Variants in HSPA14 observed in about 807,000 individuals in gnomAD.
HSPA14 encodes the protein heat shock 70 kDa protein 14.
Under a neutral mutation model 65.5 loss-of-function variants are expected in HSPA14, and 37 were observed. The observed-to-expected ratio is 0.56, with a 90% CI of 0.43 to 0.74. HSPA14 has a LOEUF of 0.74. Among genes scored for constraint, HSPA14 ranks in the 30% least tolerant of loss-of-function variants. The probability of loss-of-function intolerance (pLI) is 0.00; values close to 1 mark genes in which losing one functional copy is unlikely to be tolerated. For synonymous variants in HSPA14, 203 were observed against 214.2 expected, an observed-to-expected ratio of 0.95 and a Z score of 0.46; for missense variants, 564 against 607.6, an observed-to-expected ratio of 0.93 and a Z score of 0.75.
chr10:14,863,683 C>A (rs1469072315), intron 10 of HSPA14, among the ~76,000 whole-genome samples: 2 of 152,128 alleles, frequency 1.3e-5, no homozygotes, highest in Non-Finnish European at 2.9e-5. Flanking sequence ...CTGCTTCTCC[C>A]CACCCTCCTC....
intron 10 of HSPA14, among the ~76,000 whole-genome samples, chr10:14,856,581 G>A (rs1271540804): frequency 6.6e-6 from 1 of 152,000 alleles, no homozygotes; most frequent in African/African-American, 2.4e-5. Flanking sequence ...TTTAAAATGA[G>A]CCAGGTGCGA....
intron 6 of HSPA14, 127 bp downstream of exon 6, chr10:14,849,938 G>A: frequency 3.2e-6 from 2 of 620,896 alleles, no homozygotes; most frequent in Non-Finnish European, 5.5e-6. Flanking sequence ...AATTTAGTAA[G>A]GTAATGATCA....
chr10:14,845,965 A>G, intron 3 of HSPA14: 1 of 908,974 alleles, frequency 1.1e-6, no homozygotes, highest in Non-Finnish European at 1.3e-6. Flanking sequence ...AGCATAATAA[A>G]AGACAAAATG....
intron 3 of HSPA14, chr10:14,846,676 T>G: frequency 3.2e-6 from 3 of 929,168 alleles, no homozygotes; most frequent in Non-Finnish European, 3.9e-6. Context: ...CACAGGGGTG[T>G]TGTGAGGATC....
intron 3 of HSPA14, among the ~76,000 whole-genome samples, chr10:14,841,445 T>TGTC (rs1833969622): frequency 6.6e-6 from 1 of 152,158 alleles, no homozygotes; most frequent in South Asian, 2.1e-4. Flanking sequence ...GTGTAAGAAA[T>TGTC]AATACAGAGA....
chr10:14,838,557 AG>A (rs1833922381), intron 1 of HSPA14, 98 bp downstream of exon 1: 5 of 1,239,456 alleles, frequency 4.0e-6, no homozygotes, highest in East Asian at 5.2e-5. Flanking sequence ...TCGCCGGCCT[AG>A]GGATGTCGTG....
chr10:14,851,320 A>G lies in HSPA14; in HGVS notation c.569A>G (p.Lys190Arg). 1 of 1,571,822 alleles carries G rather than the reference A, an allele frequency of 6.4e-7. No individual in the cohort carries two copies. The highest frequency in any genetic ancestry group is 2.2e-5 in the East Asian group (1 of 44,680). Reference sequence around the variant, plus strand: ...ATTGGACAAGACTCCCCTACTGGAAAAAGGTAAAGATCATATTTGCAGTTT... The same window carrying G: ...ATTGGACAAGACTCCCCTACTGGAAGAAGGTAAAGATCATATTTGCAGTTT... ...YGIGQDSPTG[K>R]SNILVFKLGG... The change falls in exon 7 of 14, where the codon AAA becomes AGA. Residue 190 changes from lysine (K) to arginine (R), a missense_variant. Lys to Arg is a conservative substitution (Grantham distance 26, BLOSUM62 2). Transcript: ENST00000378372.
At chr10:14,855,809 G>T (rs1364703360) in intron 9 of HSPA14, 32 bp from the exon 10 acceptor site, 1 of 1,068,736 alleles carries the variant, frequency 9.4e-7, no homozygotes, top group Non-Finnish European at 1.4e-6. Flanking sequence ...CCCTGTGTCT[G>T]TGTGTTTCTG....
chr10:14,866,383 G>C (rs921938847), intron 10 of HSPA14, among the ~76,000 whole-genome samples: 1 of 152,128 alleles, frequency 6.6e-6, no homozygotes, highest in African/African-American at 2.4e-5. Flanking sequence ...GAGATCATCC[G>C]TAAAGACTGT....
intron 10 of HSPA14, among the ~76,000 whole-genome samples, chr10:14,865,396 C>G (rs886916833): frequency 2.6e-5 from 4 of 151,282 alleles, no homozygotes; most frequent in African/African-American, 7.3e-5. Context: ...AAGTCCTTGC[C>G]CATGCCTATG....
intron 10 of HSPA14, among the ~76,000 whole-genome samples, chr10:14,858,654 G>A (rs1045967723): frequency 1.3e-5 from 2 of 152,224 alleles, no homozygotes; most frequent in Admixed American, 1.3e-4. Flanking sequence ...GTATGACAGA[G>A]GGGCAGAGAG....
Position 14,842,083 on chromosome 10 carries a change from A to G in HSPA14, c.221+1926A>G. On this transcript the variant is annotated intron_variant, in intron 3 of 13. Transcript: ENST00000378372. This position sits in a 1 kb window ranked among gnomAD's most constrained non-coding sequence, Gnocchi z 5.2. ...GGTAGCACCACTTAACTTGCTGCCA[A>G]AATTATCCTTACACCCTTCCTGTAA... The G allele has an allele frequency of 7.1e-7, 1 of 1,416,494 alleles. No homozygotes were observed. The highest frequency in any genetic ancestry group is 9.6e-7 in the Non-Finnish European group (1 of 1,041,844). The allele number at this position is 1,416,494 out of a possible 1,614,324, so 87.7% of individuals were successfully genotyped here. A position where few individuals can be genotyped will look rare whatever the true frequency, so the allele number is the denominator to read the frequency against.
At chr10:14,846,093 C>T (rs997379159) in intron 3 of HSPA14, 34 of 982,842 alleles carry the variant, frequency 3.5e-5, no homozygotes, top group Admixed American at 6.2e-5. Flanking sequence ...TGCTCATGAA[C>T]TTCTAAGTGC....
intron 3 of HSPA14, chr10:14,844,069 T>C (rs936154968): frequency 1.2e-5 from 17 of 1,428,594 alleles, no homozygotes; most frequent in Non-Finnish European, 1.4e-5. Context: ...CTCCACCAAA[T>C]GGAAGACCTT....
intron 11 of HSPA14, 132 bp from the exon 12 acceptor site, chr10:14,867,604 A>G (rs552974854): frequency 1.0e-5 from 8 of 764,202 alleles, no homozygotes; most frequent in South Asian, 9.8e-5. Flanking sequence ...ATTAAGGATT[A>G]TTTCTATTTT....
chr10:14,852,623 C>A, intron 8 of HSPA14, 92 bp downstream of exon 8: 2 of 1,036,672 alleles, frequency 1.9e-6, no homozygotes, highest in Non-Finnish European at 2.8e-6. Context: ...AGTTATCCTG[C>A]TGCAAAGGAG....
intron 3 of HSPA14, chr10:14,846,108 C>T (rs1406723969): frequency 1.0e-6 from 1 of 982,988 alleles, no homozygotes; most frequent in Non-Finnish European, 1.2e-6. Context: ...AAGTGCCACA[C>T]CAGACATATA....
At chr10:14,844,343 G>A in intron 3 of HSPA14, 1 of 1,031,624 alleles carries the variant, frequency 9.7e-7, no homozygotes, top group Non-Finnish European at 1.2e-6. Context: ...CCTTGGCTGA[G>A]GTAAGGCAGA....
At chr10:14,844,846 C>T (rs1834028450) in intron 3 of HSPA14, 11 of 985,400 alleles carry the variant, frequency 1.1e-5, no homozygotes, top group Non-Finnish European at 1.3e-5. Context: ...AGTTTCCCAT[C>T]CGCTTTTTAG....
Sources: gnomAD v4.1 joint callset for allele counts (sites outside exome capture counted in the v4.1 genomes callset) on GRCh38, gnomAD v4.1.1 for gene constraint, Gnocchi (gnomAD v3.1) non-coding constraint, MANE v1.5 for transcripts, NCBI Gene and HGNC (gene_info 2026-07-23, HGNC 2026-07-21) for gene names.